TUSC3: variants seen among roughly 807,000 people sequenced by gnomAD.
The protein encoded by TUSC3 is tumor suppressor candidate 3.
In TUSC3, 45 loss-of-function variants were observed where a neutral mutation model predicts 44.8. That is an observed-to-expected ratio of 1.00 (90% CI 0.79 to 1.29). The LOEUF (loss-of-function observed/expected upper bound fraction) is 1.29. Ranked by LOEUF, TUSC3 falls within the 50% of genes most tolerant of loss-of-function variation. The pLI is 0.00. For synonymous variants in TUSC3, 212 were observed against 152.9 expected (o/e 1.39, Z -2.85); for missense variants, 519 against 437.9 (o/e 1.19, Z -1.65).
At chr8:15,785,147 T>C in the TUSC3 span, among the ~76,000 whole-genome samples, 1 of 152,126 alleles carries the variant, frequency 6.6e-6, no homozygotes, top group Non-Finnish European at 1.5e-5. Context: ...GGGTGATGGG[T>C]ACACTAAAAT....
intron 2 of TUSC3, among the ~76,000 whole-genome samples, chr8:15,517,522 C>CAAAAAAAAAAAA (rs71211049): frequency 5.2e-5 from 4 of 77,576 alleles, no homozygotes; most frequent in African/African-American, 1.6e-4. Context: ...TAGCGTGAGG[C>CAAAAAAAAAAAA]AAAAAAAAAA....
At chr8:15,569,945 G>A (rs1468475006) in intron 1 of TUSC3, among the ~76,000 whole-genome samples, 1 of 151,926 alleles carries the variant, frequency 6.6e-6, no homozygotes. Flanking sequence ...TACTGCTTCA[G>A]TCACTTCATC....
At chr8:15,582,103 C>G (rs979341777) in intron 1 of TUSC3, among the ~76,000 whole-genome samples, 2 of 150,866 alleles carry the variant, frequency 1.3e-5, no homozygotes, top group Admixed American at 6.6e-5. Flanking sequence ...TTCTTTGACT[C>G]GGAAAGGGAA....
the TUSC3 span, among the ~76,000 whole-genome samples, chr8:15,784,977 T>C: frequency 6.6e-6 from 1 of 151,940 alleles, no homozygotes; most frequent in African/African-American, 2.4e-5. Flanking sequence ...CCACAATACA[T>C]ACATGTACAG....
the TUSC3 span, among the ~76,000 whole-genome samples, chr8:15,819,225 CAACT>C: frequency 6.6e-6 from 1 of 152,120 alleles, no homozygotes; most frequent in Non-Finnish European, 1.5e-5. Context: ...GACTGCACAT[CAACT>C]ATCACCTTTA....
chr8:15,763,806 A>T (rs981201296), intron 10 of TUSC3, among the ~76,000 whole-genome samples: 1 of 152,078 alleles, frequency 6.6e-6, no homozygotes, highest in Non-Finnish European at 1.5e-5. Flanking sequence ...TGATTAAATT[A>T]TACGGTTAGA....
chr8:15,674,263 G>A (rs1585216402), intron 6 of TUSC3, among the ~76,000 whole-genome samples: 1 of 151,852 alleles, frequency 6.6e-6, no homozygotes. Flanking sequence ...AGAATGTTAG[G>A]AACTCTTTGC....
chr8:15,729,121 G>A (rs541937951), intron 6 of TUSC3, among the ~76,000 whole-genome samples: 21 of 152,080 alleles, frequency 1.4e-4, no homozygotes, highest in Non-Finnish European at 2.8e-4. Flanking sequence ...CTAAATTTGT[G>A]ATCTTCAGAG....
intron 6 of TUSC3, among the ~76,000 whole-genome samples, chr8:15,718,493 A>G (rs888393859): frequency 5.3e-5 from 8 of 152,162 alleles, no homozygotes; most frequent in African/African-American, 1.9e-4. Context: ...AATGTAGTCA[A>G]CCAGTAGTTA....
intron 1 of TUSC3, among the ~76,000 whole-genome samples, chr8:15,573,097 G>A (rs1204619836): frequency 6.7e-6 from 1 of 150,148 alleles, no homozygotes; most frequent in Admixed American, 6.6e-5. Flanking sequence ...TCTGTGAAGC[G>A]CAGTTAAGCA....
chr8:15,802,834 A>C, the TUSC3 span, among the ~76,000 whole-genome samples: 4 of 152,130 alleles, frequency 2.6e-5, no homozygotes, highest in Non-Finnish European at 5.9e-5. Context: ...AACGTGGCTA[A>C]ATGTAGCAGA....
the TUSC3 span, among the ~76,000 whole-genome samples, chr8:15,776,479 C>G: frequency 6.6e-6 from 1 of 152,140 alleles, no homozygotes; most frequent in Admixed American, 6.5e-5. Flanking sequence ...ATGTTCAGCC[C>G]TATGTCAGCC....
At chr8:15,436,730 A>G (rs745623941) in intron 1 of TUSC3, among the ~76,000 whole-genome samples, 2 of 152,168 alleles carry the variant, frequency 1.3e-5, no homozygotes, top group Non-Finnish European at 2.9e-5. Flanking sequence ...AAAATGACCA[A>G]TTTCTATAGG....
chr8:15,757,399 A>T (rs1341085052), intron 9 of TUSC3, among the ~76,000 whole-genome samples: 1 of 152,226 alleles, frequency 6.6e-6, no homozygotes, highest in Non-Finnish European at 1.5e-5. Context: ...GATAGTGAAC[A>T]AGTACAGCAA....
intron 2 of TUSC3, among the ~76,000 whole-genome samples, chr8:15,498,663 T>G (rs1216367707): frequency 6.6e-6 from 1 of 152,232 alleles, no homozygotes; most frequent in Non-Finnish European, 1.5e-5. Flanking sequence ...GCCAGTTGCC[T>G]TCTTAGTCAA....
intron 1 of TUSC3, among the ~76,000 whole-genome samples, chr8:15,442,343 A>G (rs1414282656): frequency 6.6e-6 from 1 of 152,102 alleles, no homozygotes; most frequent in Non-Finnish European, 1.5e-5. Flanking sequence ...TTTAAAGGTA[A>G]AGGTTTTATT....
chr8:15,437,365 A>G (rs1410128051), intron 1 of TUSC3, among the ~76,000 whole-genome samples: 1 of 152,060 alleles, frequency 6.6e-6, no homozygotes, highest in Non-Finnish European at 1.5e-5. Flanking sequence ...AGCAGCTTTT[A>G]TTTTTCCTAA....
intron 1 of TUSC3, among the ~76,000 whole-genome samples, chr8:15,606,125 C>T (rs1804514727): frequency 6.6e-6 from 1 of 151,928 alleles, no homozygotes; most frequent in Admixed American, 6.6e-5. Context: ...AGCAGACAAG[C>T]CATGACATTA....
At position 15,757,775 on chromosome 8, in the gene TUSC3, G is replaced by A. The variant is rs1372992243; in HGVS notation, c.1029-16G>A. Reference sequence around the variant, plus strand: ...TTTTTCCATATTGTTGTATTTCATTGTGGTGTATTGGAAAGTGATCTGGAC... The same window carrying A: ...TTTTTCCATATTGTTGTATTTCATTATGGTGTATTGGAAAGTGATCTGGAC... On this transcript the variant is annotated splice_polypyrimidine_tract_variant and intron_variant, in intron 9 of 10. Coordinates refer to ENST00000503731, the MANE Select transcript of TUSC3 (RefSeq NM_006765.4). The A allele has an allele frequency of 1.4e-6, 2 of 1,480,732 alleles. No homozygotes were observed. Among genetic ancestry groups the A allele is most frequent in the Non-Finnish European group, 1.9e-6 (2 of 1,058,746 alleles). 91.7% of individuals were successfully genotyped at this position (1,480,732 alleles called of 1,614,324 possible).
Sources: gnomAD v4.1 joint callset for allele counts (sites outside exome capture counted in the v4.1 genomes callset) on GRCh38, gnomAD v4.1.1 for gene constraint, MANE v1.5 for transcripts, NCBI Gene and HGNC (gene_info 2026-07-23, HGNC 2026-07-21) for gene names.